TRHDE: variants seen among roughly 807,000 people sequenced by gnomAD.
TRHDE encodes thyrotropin releasing hormone degrading enzyme.
Under a neutral mutation model 125.7 loss-of-function variants are expected in TRHDE, and 72 were observed. That is an observed-to-expected ratio of 0.57 (90% confidence interval 0.47 to 0.70). The LOEUF (loss-of-function observed/expected upper bound fraction) is 0.70, where lower values mean the gene tolerates loss of function less well. Among genes scored for constraint, TRHDE ranks in the 30% least tolerant of loss-of-function variants. The pLI, the probability that TRHDE is intolerant of heterozygous loss-of-function variation, is 0.00. For synonymous variants in TRHDE, 509 were observed against 509.1 expected, an observed-to-expected ratio of 1.00 and a Z score of 0.00; for missense variants, 1,110 against 1,327.1, an observed-to-expected ratio of 0.84 and a Z score of 2.54.
intron 1 of TRHDE, among the ~76,000 whole-genome samples, chr12:72,091,402 C>T (rs965577371): frequency 7.2e-5 from 11 of 152,148 alleles, no homozygotes; most frequent in African/African-American, 2.7e-4. Context: ...AGGTACAAGC[C>T]TCTTTTTAAA....
At chr12:72,601,482 G>A (rs950765407) in intron 12 of TRHDE, among the ~76,000 whole-genome samples, 5 of 152,094 alleles carry the variant, frequency 3.3e-5, no homozygotes, top group Non-Finnish European at 5.9e-5. Context: ...GATTAAGTAT[G>A]GTTTGAGAGG....
intron 3 of TRHDE, among the ~76,000 whole-genome samples, chr12:72,391,835 ATTTC>A (rs1163718910): frequency 1.3e-5 from 2 of 152,172 alleles, no homozygotes; most frequent in Admixed American, 1.3e-4. Flanking sequence ...TTTGGGCATA[ATTTC>A]TTATACCTAT....
chr12:72,105,674 G>A (rs1875170406), exon 2 of TRHDE: 1 of 152,112 alleles, frequency 6.6e-6, no homozygotes, highest in African/African-American at 2.4e-5. Flanking sequence ...CAAGTGTTAT[G>A]TGGTCAAGAT....
At chr12:72,356,715 A>C (rs1311449227) in intron 2 of TRHDE, among the ~76,000 whole-genome samples, 1 of 151,336 alleles carries the variant, frequency 6.6e-6, no homozygotes, top group Non-Finnish European at 1.5e-5. Flanking sequence ...AAAGAGGTAA[A>C]ATTAAAAGGG....
intron 3 of TRHDE, among the ~76,000 whole-genome samples, chr12:72,392,969 T>C (rs1021616690): frequency 2.6e-5 from 4 of 152,148 alleles, no homozygotes; most frequent in Non-Finnish European, 5.9e-5. Context: ...CTATATATAC[T>C]ATGTATCAAT....
At chr12:72,447,646 C>T (rs1456944034) in intron 3 of TRHDE, among the ~76,000 whole-genome samples, 1 of 151,978 alleles carries the variant, frequency 6.6e-6, no homozygotes, top group Non-Finnish European at 1.5e-5. Context: ...TAGTCTATCT[C>T]GGGTATGAAT....
At chr12:72,505,551 C>A (rs547534303) in intron 6 of TRHDE, among the ~76,000 whole-genome samples, 2 of 152,220 alleles carry the variant, frequency 1.3e-5, no homozygotes, top group South Asian at 4.1e-4. Flanking sequence ...AAAATAACTT[C>A]AATTTTAAAG....
chr12:72,126,637 A>G (rs1875720180), intron 2 of TRHDE, among the ~76,000 whole-genome samples: 1 of 152,254 alleles, frequency 6.6e-6, no homozygotes. Context: ...GTGCTGGGAT[A>G]GCTGGTTAGC....
Position 72,459,481 on chromosome 12 carries a change from C to T in TRHDE, c.1316-10277C>T, listed in dbSNP as rs1876022505. 2.0e-5 allele frequency among the ~76,000 whole-genome samples: 3 copies of T among 152,284 alleles called. No homozygotes were observed. In the South Asian group the frequency reaches 6.2e-4, roughly 32 times the overall value. On this transcript the variant is annotated intron_variant, in intron 3 of 18. Coordinates refer to ENST00000261180, the MANE Select transcript of TRHDE (RefSeq NM_013381.3). The stretch of plus-strand genomic sequence containing the variant: ...ACAGTTGTCAAGAACTGTTAGGAGT[C>T]TAAGGTTTTACCTTATCCTACTTGT...
At chr12:72,384,430 G>A (rs1040460147) in intron 3 of TRHDE, among the ~76,000 whole-genome samples, 16 of 152,006 alleles carry the variant, frequency 1.1e-4, no homozygotes, top group African/African-American at 3.4e-4. Context: ...CGCACAATAT[G>A]GAATATAATC....
chr12:72,663,504 G>A lies in TRHDE; in HGVS notation c.*309G>A, dbSNP rs926366483. On this transcript the variant is annotated 3_prime_UTR_variant, in exon 19 of 19. Coordinates refer to ENST00000261180, the MANE Select transcript of TRHDE (RefSeq NM_013381.3). Reference sequence around the variant, plus strand: ...AAATATGATAGTGATGCATGTTGATGTTACAGTCAATTTGGAAAAACATAT... The same window carrying A: ...AAATATGATAGTGATGCATGTTGATATTACAGTCAATTTGGAAAAACATAT... 11 of 191,720 alleles carry A rather than the reference G, an allele frequency of 5.7e-5. No individual in the cohort carries two copies. The highest frequency in any genetic ancestry group is 2.1e-5 in the Non-Finnish European group (2 of 94,184). 11.9% of individuals were successfully genotyped at this position (191,720 alleles called of 1,614,324 possible).
rs551398779 is a variant in TRHDE, at chr12:72,564,300, C to A, written c.2042+1260C>A. ...ACATCTGCCAAGTGCTGTTTCTAAT[C>A]TTCTGATGTCTGGCCCCAGGCAAAA... On this transcript the variant is annotated intron_variant, in intron 9 of 18. Transcript: ENST00000261180. Among the ~76,000 whole-genome samples the A allele has an allele frequency of 2.2e-4, 33 of 152,250 alleles. No homozygotes were observed. In the Middle Eastern group the frequency reaches 0.014, roughly 63 times the overall value.
Position 72,477,987 on chromosome 12 carries a change from A to T in TRHDE, c.1584+4807A>T, listed in dbSNP as rs142059576. ...ATTGGGAAGGTAAAGAGCTTCACGC[A>T]CCAAAAACATTATAAGTTATACTTT... On this transcript the variant is annotated intron_variant, in intron 5 of 18. Coordinates refer to ENST00000261180, the MANE Select transcript of TRHDE (RefSeq NM_013381.3). Among the ~76,000 whole-genome samples the T allele has an allele frequency of 4.3e-3, 656 of 152,294 alleles. 11 individuals carry two copies. Among genetic ancestry groups the T allele is most frequent in the Admixed American group, 0.03 (460 of 15,294 alleles).
intron 2 of TRHDE, among the ~76,000 whole-genome samples, chr12:72,347,203 A>G (rs939344829): frequency 6.6e-6 from 1 of 152,130 alleles, no homozygotes; most frequent in African/African-American, 2.4e-5. Context: ...ACTCATACCC[A>G]TAAGAGATGG....
chr12:72,220,367 T>C (rs1249672996), intron 2 of TRHDE, among the ~76,000 whole-genome samples: 1 of 152,180 alleles, frequency 6.6e-6, no homozygotes, highest in Admixed American at 6.6e-5. Context: ...GCTCTTGTTT[T>C]AGAGATAATA....
intron 2 of TRHDE, among the ~76,000 whole-genome samples, chr12:72,357,518 A>C (rs1870875344): frequency 6.6e-6 from 1 of 151,504 alleles, no homozygotes; most frequent in Non-Finnish European, 1.5e-5. Flanking sequence ...AGATCCATCC[A>C]TGTTGTGACA....
At chr12:72,615,302 C>T (rs1455686367) in intron 12 of TRHDE, among the ~76,000 whole-genome samples, 1 of 152,036 alleles carries the variant, frequency 6.6e-6, no homozygotes, top group Non-Finnish European at 1.5e-5. Flanking sequence ...CAATATTTCC[C>T]TGTGGTGATG....
At chr12:72,357,896 A>G (rs1277753979) in intron 2 of TRHDE, among the ~76,000 whole-genome samples, 4 of 151,582 alleles carry the variant, frequency 2.6e-5, no homozygotes, top group Non-Finnish European at 5.9e-5. Context: ...CAAAGAGACC[A>G]TGCTTTTGGC....
At chr12:72,608,141 C>A (rs1388060188) in intron 12 of TRHDE, among the ~76,000 whole-genome samples, 2 of 151,970 alleles carry the variant, frequency 1.3e-5, no homozygotes, top group African/African-American at 4.8e-5. Flanking sequence ...ATTTCAGGCC[C>A]AAAATTCAGC....
Sources: allele counts gnomAD v4.1 joint callset (sites outside exome capture counted in the v4.1 genomes callset), GRCh38; gene constraint gnomAD v4.1.1; transcripts MANE v1.5; gene names NCBI Gene and HGNC (gene_info 2026-07-23, HGNC 2026-07-21).